The following BOLL variants were observed in gnomAD, a reference collection of about 807,000 sequenced individuals.
The protein encoded by BOLL is boule RNA binding protein.
BOLL carries 23 observed loss-of-function variants against 44.4 expected under a neutral mutation model. The ratio of observed to expected loss-of-function variants is 0.52; its 90% CI spans 0.37 to 0.73. BOLL has a LOEUF of 0.73. Ranked by LOEUF, BOLL falls within the 30% of genes least tolerant of loss-of-function variation. The pLI, the probability that BOLL is intolerant of heterozygous loss-of-function variation, is 0.00. For synonymous variants in BOLL, 97 were observed against 110.8 expected (o/e 0.88, Z 0.78); for missense variants, 287 against 338.3 (o/e 0.85, Z 1.19).
At chr2:197,765,180 A>C (rs749509203) in intron 7 of BOLL, among the ~76,000 whole-genome samples, 3 of 152,088 alleles carry the variant, frequency 2.0e-5, no homozygotes, top group Non-Finnish European at 4.4e-5. Flanking sequence ...AGACTTAGGG[A>C]GAAGGAGTAG....
At chr2:197,754,750 AACACACACACACACACACACAC>A (rs142614771) in intron 9 of BOLL, among the ~76,000 whole-genome samples, 74,875 of 150,032 alleles carry the variant, frequency 0.5, 19,163 homozygotes, top group African/African-American at 0.61. Flanking sequence ...AAAACCCCAA[AACACACACACACACACACACAC>A]ACACACACAC....
chr2:197,728,525 G>A lies in BOLL; in HGVS notation c.*30C>T, dbSNP rs559692855. 1.9e-6 allele frequency: 3 copies of A among 1,614,074 alleles called. No homozygotes were observed. In the South Asian group the frequency reaches 3.3e-5, roughly 18 times the overall value. ...GCAAGGATCATTGGACAAGAAATCAGTTGAGCTGGAATAGAGCTGCCCAAT... is the reference window on the plus strand; with the variant it reads ...GCAAGGATCATTGGACAAGAAATCAATTGAGCTGGAATAGAGCTGCCCAAT... On this transcript the variant is annotated 3_prime_UTR_variant, in exon 11 of 11. Transcript: ENST00000392296.
intron 9 of BOLL, among the ~76,000 whole-genome samples, chr2:197,751,827 T>C (rs1688269183): frequency 6.9e-6 from 1 of 144,986 alleles, no homozygotes; most frequent in Non-Finnish European, 1.5e-5. Flanking sequence ...CCAAAACCTG[T>C]CAGAAACCAA....
intron 7 of BOLL, among the ~76,000 whole-genome samples, chr2:197,762,180 C>T (rs1336510649): frequency 6.6e-6 from 1 of 152,042 alleles, no homozygotes; most frequent in East Asian, 1.9e-4. Context: ...CCCGTCTCTA[C>T]TAAAAATACA....
intron 6 of BOLL, among the ~76,000 whole-genome samples, chr2:197,769,367 ACTT>A (rs1296019315): frequency 1.3e-5 from 2 of 152,054 alleles, no homozygotes; most frequent in African/African-American, 4.8e-5. Flanking sequence ...CAGAGATTCA[ACTT>A]CTTCCTGGTT....
At chr2:197,766,821 T>G (rs1689022527) in intron 6 of BOLL, among the ~76,000 whole-genome samples, 1 of 152,062 alleles carries the variant, frequency 6.6e-6, no homozygotes, top group Non-Finnish European at 1.5e-5. Flanking sequence ...ATAGTAATGC[T>G]AAAACAATCA....
chr2:197,729,407 C>G (rs1687031324), intron 10 of BOLL, among the ~76,000 whole-genome samples: 1 of 152,196 alleles, frequency 6.6e-6, no homozygotes, highest in Non-Finnish European at 1.5e-5. Context: ...CGCCATTGCC[C>G]AGGCTTGATT....
At chr2:197,760,186 G>A (rs1688690598) in intron 7 of BOLL, among the ~76,000 whole-genome samples, 1 of 152,164 alleles carries the variant, frequency 6.6e-6, no homozygotes, top group Admixed American at 6.5e-5. Context: ...AACGTTTCCA[G>A]GCCGGGTGAT....
chr2:197,768,201 G>C (rs988040398), intron 6 of BOLL, among the ~76,000 whole-genome samples: 1 of 151,938 alleles, frequency 6.6e-6, no homozygotes, highest in Non-Finnish European at 1.5e-5. Flanking sequence ...TTTTTATGGA[G>C]AAAGAAAACT....
intron 6 of BOLL, among the ~76,000 whole-genome samples, chr2:197,769,653 T>A (rs2106372570): frequency 6.6e-6 from 1 of 152,202 alleles, no homozygotes; most frequent in Admixed American, 6.5e-5. Flanking sequence ...TTCAGCAAAG[T>A]CTCAGGATAC....
chr2:197,782,442 C>T (rs1689831674), intron 1 of BOLL, among the ~76,000 whole-genome samples: 1 of 152,208 alleles, frequency 6.6e-6, no homozygotes, highest in Non-Finnish European at 1.5e-5. Flanking sequence ...GTGACTGCTC[C>T]TTCTTTATCA....
intron 10 of BOLL, among the ~76,000 whole-genome samples, chr2:197,736,649 T>C (rs1173186277): frequency 6.6e-6 from 1 of 152,080 alleles, no homozygotes; most frequent in Non-Finnish European, 1.5e-5. Flanking sequence ...CAAGGACATT[T>C]GGTGGGATGG....
intron 9 of BOLL, among the ~76,000 whole-genome samples, chr2:197,753,202 T>C (rs1688343989): frequency 6.6e-6 from 1 of 152,166 alleles, no homozygotes; most frequent in African/African-American, 2.4e-5. Context: ...ATAAAAATCC[T>C]AGAAGAAAAC....
In BOLL at chr2:197,730,883, G is replaced by C. The variant is rs1026547828; in HGVS notation, c.829-2305C>G. Among the ~76,000 whole-genome samples the C allele has an allele frequency of 8.5e-5, 13 of 152,086 alleles. 3 individuals are homozygous for C. The highest frequency in any genetic ancestry group is 3.1e-4 in the African/African-American group (13 of 41,466). ...CATGCCAAAATGTAAAGACCATCGA[G>C]ACTAGGAAGAAACTGCATCAACTAA... is the stretch of plus-strand genomic sequence containing the variant. On this transcript the variant is annotated intron_variant, in intron 10 of 10. Coordinates refer to ENST00000392296, the MANE Select transcript of BOLL (RefSeq NM_033030.6).
intron 9 of BOLL, among the ~76,000 whole-genome samples, chr2:197,754,974 GA>G (rs1167830162): frequency 6.6e-6 from 1 of 152,114 alleles, no homozygotes; most frequent in East Asian, 1.9e-4. Context: ...TATAGAATGG[GA>G]GAAAATTTTT....
rs60865376 is a variant in BOLL, at chr2:197,784,391, CAT to C, written c.-16+663_-16+664del. On this transcript the variant is annotated intron_variant, in intron 1 of 10. Coordinates refer to ENST00000392296, the MANE Select transcript of BOLL (RefSeq NM_033030.6). ...AATACAGTATAACAGCAGTCTAATACATATATATATATATATATATATATATA... is the reference window on the plus strand; with the variant it reads ...AATACAGTATAACAGCAGTCTAATACATATATATATATATATATATATATA... Among the ~76,000 whole-genome samples, 51 of 54,980 alleles carry C rather than the reference CAT, an allele frequency of 9.3e-4. 1 individual carries two copies. The highest frequency in any genetic ancestry group is 2.4e-3 in the African/African-American group (28 of 11,752). The allele number at this position is 54,980 out of a possible 152,430, so 36.1% of individuals were successfully genotyped here.
intron 7 of BOLL, among the ~76,000 whole-genome samples, chr2:197,757,687 T>C (rs1013311307): frequency 6.6e-6 from 1 of 152,074 alleles, no homozygotes; most frequent in Admixed American, 6.6e-5. Context: ...CAACAAAAAA[T>C]AGTTAAATTA....
At chr2:197,739,230 C>T (rs1687631215) in intron 10 of BOLL, among the ~76,000 whole-genome samples, 1 of 152,056 alleles carries the variant, frequency 6.6e-6, no homozygotes, top group African/African-American at 2.4e-5. Context: ...TTTTTTCCAT[C>T]TCTAACAAAA....
At chr2:197,730,141 A>C in intron 10 of BOLL, among the ~76,000 whole-genome samples, 1 of 129,178 alleles carries the variant, frequency 7.7e-6, no homozygotes. Context: ...GCTGAAAACC[A>C]AGGCTCGAGA....
Sources: gnomAD v4.1 joint callset for allele counts (sites outside exome capture counted in the v4.1 genomes callset) on GRCh38, gnomAD v4.1.1 for gene constraint, MANE v1.5 for transcripts, NCBI Gene and HGNC (gene_info 2026-07-23, HGNC 2026-07-21) for gene names.